Variants in COL5A3 observed in about 807,000 individuals in gnomAD.
COL5A3 encodes the protein collagen type V alpha 3 chain, also known as collagen alpha-3(V) chain.
COL5A3 carries 172 observed loss-of-function variants against 250.0 expected under a neutral mutation model. The observed-to-expected ratio is 0.69, with a 90% CI of 0.61 to 0.78. The LOEUF is 0.78. COL5A3 is among the 30% of genes least tolerant of loss of function. COL5A3 has a pLI of 0.00. For synonymous variants in COL5A3, 937 were observed against 900.4 expected (o/e 1.04, Z -0.73); for missense variants, 2,340 against 2,334.4 (o/e 1.00, Z -0.05).
chr19:9,988,851 A>AGAGAG (rs538318191), intron 27 of COL5A3, among the ~76,000 whole-genome samples: 2 of 67,254 alleles, frequency 3.0e-5, no homozygotes, highest in African/African-American at 1.1e-4. Context: ...AAAAAAAAAA[A>AGAGAG]AAAAAAAGAA....
chr19:9,999,136 TTTCCTTCCTTCCTTCCTTCC>T (rs142456677), intron 8 of COL5A3, among the ~76,000 whole-genome samples: 1 of 126,674 alleles, frequency 7.9e-6, no homozygotes. Context: ...CTCTCTCTTT[TTTCCTTCCTTCCTTCCTTCC>T]TTCCTTCCTT....
intron 44 of COL5A3, 85 bp downstream of exon 44, chr19:9,977,144 C>T: frequency 1.5e-6 from 2 of 1,322,098 alleles, no homozygotes; most frequent in Non-Finnish European, 2.2e-6. Flanking sequence ...CCTCTCCTAC[C>T]CCATGGAGAA....
At chr19:9,983,488 AC>A (rs2087037664) in intron 31 of COL5A3, among the ~76,000 whole-genome samples, 1 of 150,498 alleles carries the variant, frequency 6.6e-6, no homozygotes, top group Non-Finnish European at 1.5e-5. Context: ...ACAGAGTGAC[AC>A]CCTGTCTGAA....
intron 8 of COL5A3, among the ~76,000 whole-genome samples, chr19:10,000,743 A>G (rs999283302): frequency 6.6e-6 from 1 of 152,184 alleles, no homozygotes; most frequent in Non-Finnish European, 1.5e-5. Context: ...AAGCAGGTGC[A>G]GAAGTCAAAA....
At chr19:9,970,230 GGGGT>G (rs2086816530) in intron 54 of COL5A3, among the ~76,000 whole-genome samples, 1 of 26,084 alleles carries the variant, frequency 3.8e-5, no homozygotes, top group African/African-American at 3.5e-4. Context: ...TGGGGGCTGT[GGGGT>G]GAGTGGGGTC....
Position 9,962,083 on chromosome 19 carries a change from GA to G in COL5A3, c.4851+735del, listed in dbSNP as rs563768237. On this transcript the variant is annotated intron_variant, in intron 65 of 66. Coordinates refer to ENST00000264828, the MANE Select transcript of COL5A3 (RefSeq NM_015719.4). ...CCATCAGATTTTGAAGAGCTAATCT[GA>G]AAAAAATACAAAATATCTTAATAAT... Among the ~76,000 whole-genome samples, 13 of 149,718 alleles carry G rather than the reference GA, an allele frequency of 8.7e-5. No homozygotes were observed. In the South Asian group the frequency reaches 2.3e-3, roughly 27 times the overall value.
intron 10 of COL5A3, 133 bp downstream of exon 10, chr19:9,997,851 C>G (rs1041911270): frequency 9.1e-6 from 8 of 875,952 alleles, no homozygotes; most frequent in Middle Eastern, 3.5e-4. Context: ...TTTGACTCAC[C>G]CTTTAAGCCT....
At position 9,966,743 on chromosome 19, in the gene COL5A3, C is replaced by T. The variant is rs3745584; in HGVS notation, c.4462G>A (p.Ala1488Thr). 177 of 1,532,688 alleles carry T rather than the reference C, an allele frequency of 1.2e-4. No homozygotes were observed. Among genetic ancestry groups the T allele is most frequent in the Non-Finnish European group, 1.4e-4 (164 of 1,144,928 alleles). The allele number at this position is 1,532,688 out of a possible 1,614,324, so 94.9% of individuals were successfully genotyped here. The change falls in exon 63 of 67, where the codon GCC (alanine) becomes ACC (threonine). Residue 1488 changes from alanine (A) to threonine (T), a missense_variant. By Grantham distance (58) the Ala-to-Thr change is moderately conservative (BLOSUM62 0). This residue lies in a region of COL5A3 where 1,179 missense variants were observed against 1,162.6 expected (regional missense o/e 1.01). Coordinates refer to ENST00000264828, the MANE Select transcript of COL5A3 (RefSeq NM_015719.4). The part of the protein sequence containing the change: ...GPAGPPGPPG[A>T]PAELHGLRRR... Reference sequence around the variant, plus strand: ...CGCAGCCCATGCAGCTCGGCAGGGGCACCCTGGGCGTAGGGGATGGGGACG... The same window carrying T: ...CGCAGCCCATGCAGCTCGGCAGGGGTACCCTGGGCGTAGGGGATGGGGACG...
chr19:9,997,747 G>T (rs2087293415), intron 10 of COL5A3, among the ~76,000 whole-genome samples: 1 of 152,046 alleles, frequency 6.6e-6, no homozygotes, highest in Non-Finnish European at 1.5e-5. Flanking sequence ...GACTACAGTT[G>T]GGTGCCACTA....
intron 65 of COL5A3, 61 bp from the exon 66 acceptor site, chr19:9,960,951 C>A (rs2086665176): frequency 8.9e-6 from 14 of 1,580,804 alleles, no homozygotes; most frequent in Non-Finnish European, 1.1e-5. Context: ...CTGCAGAAGC[C>A]ACCCCCTGGA....
At chr19:9,996,946 C>T in intron 11 of COL5A3, 6 of 547,432 alleles carry the variant, frequency 1.1e-5, no homozygotes, top group Non-Finnish European at 1.6e-5. Flanking sequence ...GAGAGACATA[C>T]AGAGACAGAA....
chr19:9,972,971 C>T lies in COL5A3; in HGVS notation c.3722G>A (p.Gly1241Glu). ...AGGGGGACCTTTCTTGCCTGGGGGT[C>T]CAGCAGCTCCAGATGGGCCTGAGTC... The part of the protein sequence containing the change: ...KGDSGPSGAA[G>E]PPGKKGPPGE... The change falls in exon 51 of 67, where the codon GGA becomes GAA. Residue 1241 changes from glycine to glutamate, a missense_variant. Physicochemically the swap from Gly to Glu is moderately conservative, Grantham distance 98 (BLOSUM62 -2). Around this residue, in one of 3 missense-constraint regions of COL5A3, gnomAD observed 1,179 missense variants for 1,162.6 expected, o/e 1.01. Transcript: ENST00000264828. The T allele has an allele frequency of 6.2e-7, 1 of 1,611,996 alleles. No homozygotes were observed. Among genetic ancestry groups the T allele is most frequent in the East Asian group, 2.2e-5 (1 of 44,868 alleles).
At position 9,968,284 on chromosome 19, in the gene COL5A3, C is replaced by T; in HGVS notation, c.4314+101G>A. The stretch of plus-strand genomic sequence containing the variant: ...TCCCCCTATTTTCCCCACACACACC[C>T]TCATTAATCCAGACCCACGTTTCCC... On this transcript the variant is annotated intron_variant, in intron 59 of 66. Transcript: ENST00000264828. The surrounding 1 kb of genome is among the most constrained non-coding windows in gnomAD (Gnocchi z 4.1). The T allele has an allele frequency of 9.1e-7, 1 of 1,102,836 alleles. No homozygotes were observed. The highest frequency in any genetic ancestry group is 2.8e-4 in the Middle Eastern group (1 of 3,578). 68.3% of individuals were successfully genotyped at this position (1,102,836 alleles called of 1,614,324 possible).
At chr19:9,981,046 C>T (rs1414068391) in intron 33 of COL5A3, 42 bp downstream of exon 33, 3 of 1,603,650 alleles carry the variant, frequency 1.9e-6, no homozygotes, top group African/African-American at 1.3e-5. Flanking sequence ...CAGCCCTGTC[C>T]CCAAGTCCCA....
In COL5A3 at chr19:9,968,590, TG is replaced by T. The variant is rs2086787823; in HGVS notation, c.4206+84del. ...GGGTGATGAGTTTGGGAGCAGAGGA[TG>T]CACCAATCTCCCAGCCCCCCAGCCA... On this transcript the variant is annotated intron_variant, in intron 58 of 66. Coordinates refer to ENST00000264828, the MANE Select transcript of COL5A3 (RefSeq NM_015719.4). The surrounding 1 kb of genome is among the most constrained non-coding windows in gnomAD (Gnocchi z 4.1). The T allele has an allele frequency of 6.3e-7, 1 of 1,576,810 alleles. No individual in the cohort carries two copies.
intron 20 of COL5A3, 22 bp downstream of exon 20, chr19:9,993,001 C>A: frequency 6.2e-7 from 1 of 1,612,756 alleles, no homozygotes; most frequent in Non-Finnish European, 8.5e-7. Context: ...AAGCAAGGGG[C>A]CCAGGGATCC....
chr19:10,001,421 A>G, intron 8 of COL5A3, 103 bp downstream of exon 8: 2 of 1,197,950 alleles, frequency 1.7e-6, no homozygotes, highest in African/African-American at 1.5e-5. Context: ...TGTTCGGATT[A>G]CAGGCGGGAG....
chr19:9,970,201 A>T (rs1599533094), intron 54 of COL5A3, among the ~76,000 whole-genome samples: 1 of 9,524 alleles, frequency 1.0e-4, no homozygotes. Context: ...TCTGTGGGTG[A>T]GTGGGGGCTG....
At chr19:9,961,952 T>C (rs1486660026) in intron 65 of COL5A3, among the ~76,000 whole-genome samples, 1 of 152,220 alleles carries the variant, frequency 6.6e-6, no homozygotes, top group African/African-American at 2.4e-5. Flanking sequence ...AGTCTGAATC[T>C]ACTTTTTGAA....
Sources: gnomAD v4.1 joint callset for allele counts (sites outside exome capture counted in the v4.1 genomes callset) on GRCh38, gnomAD v4.1.1 for gene constraint, gnomAD v4.1.1 regional missense constraint, Gnocchi (gnomAD v3.1) non-coding constraint, MANE v1.5 for transcripts, NCBI Gene and HGNC (gene_info 2026-07-23, HGNC 2026-07-21) for gene names.